GRM7: variants seen among roughly 807,000 people sequenced by gnomAD.
The protein encoded by GRM7 is metabotropic glutamate receptor 7.
In GRM7, 35 loss-of-function variants were observed where a neutral mutation model predicts 84.5. The ratio of observed to expected loss-of-function variants is 0.41; its 90% CI spans 0.32 to 0.55. The LOEUF is 0.55. GRM7 is among the 20% of genes least tolerant of loss of function. The pLI, the probability that GRM7 is intolerant of heterozygous loss-of-function variation, is 0.19. For missense variants in GRM7, 1,003 were observed against 1,194.6 expected (o/e 0.84, Z 2.36); for synonymous variants, 487 against 455.1 (o/e 1.07, Z -0.89).
chr3:6,942,748 C>T (rs1385612126), intron 1 of GRM7, among the ~76,000 whole-genome samples: 1 of 151,990 alleles, frequency 6.6e-6, no homozygotes, highest in Non-Finnish European at 1.5e-5. Flanking sequence ...TCAGTAAATA[C>T]CTGGATGGAT....
At chr3:7,446,805 A>C (rs185461494) in intron 5 of GRM7, among the ~76,000 whole-genome samples, 49 of 151,642 alleles carry the variant, frequency 3.2e-4, no homozygotes, top group African/African-American at 1.0e-3. Flanking sequence ...TATATCTTTC[A>C]TTTTCCATAT....
At position 7,564,962 on chromosome 3, in the gene GRM7, C is replaced by T. The variant is rs151020601; in HGVS notation, c.1516-13460C>T. The stretch of plus-strand genomic sequence containing the variant: ...GTCCTTGGCTGCAGATTGCACATGA[C>T]TTGTTTTTCTCCCGTCTCATAATGT... On this transcript the variant is annotated intron_variant, in intron 7 of 9. Coordinates refer to ENST00000357716, the MANE Select transcript of GRM7 (RefSeq NM_000844.4). 1.7e-3 allele frequency among the ~76,000 whole-genome samples: 263 copies of T among 152,296 alleles called. 1 individual carries two copies. The highest frequency in any genetic ancestry group is 3.0e-3 in the Non-Finnish European group (207 of 68,018).
chr3:6,946,734 A>C (rs763064795), intron 1 of GRM7, among the ~76,000 whole-genome samples: 3 of 152,006 alleles, frequency 2.0e-5, no homozygotes, highest in Non-Finnish European at 4.4e-5. Flanking sequence ...CTTTTATTTC[A>C]TTGAGCAGTG....
chr3:7,466,118 A>G (rs938060256), intron 7 of GRM7, among the ~76,000 whole-genome samples: 9 of 152,256 alleles, frequency 5.9e-5, no homozygotes, highest in African/African-American at 2.2e-4. Flanking sequence ...TTTATGAAAT[A>G]CTCTTCCTGG....
chr3:7,313,497 C>A (rs567504917), intron 4 of GRM7, among the ~76,000 whole-genome samples: 62 of 152,244 alleles, frequency 4.1e-4, no homozygotes, highest in African/African-American at 1.5e-3. Context: ...CTAAGGTATT[C>A]TTAATAAAAT....
chr3:7,209,128 G>T (rs953856204), intron 2 of GRM7, among the ~76,000 whole-genome samples: 2 of 152,156 alleles, frequency 1.3e-5, no homozygotes, highest in Non-Finnish European at 2.9e-5. Context: ...AAAGCCTATT[G>T]TAAAATAAAG....
At chr3:7,371,218 C>T (rs1414177448) in intron 4 of GRM7, among the ~76,000 whole-genome samples, 1 of 152,110 alleles carries the variant, frequency 6.6e-6, no homozygotes, top group East Asian at 1.9e-4. Context: ...AGTGTTGTAG[C>T]CGTGGCAGAT....
At chr3:7,315,824 G>T (rs1403630686) in intron 4 of GRM7, among the ~76,000 whole-genome samples, 2 of 152,116 alleles carry the variant, frequency 1.3e-5, no homozygotes, top group Non-Finnish European at 2.9e-5. Flanking sequence ...GACAAAATTG[G>T]TTTTGACAGT....
intron 8 of GRM7, among the ~76,000 whole-genome samples, chr3:7,639,764 G>A (rs1021854017): frequency 6.6e-6 from 1 of 152,010 alleles, no homozygotes; most frequent in African/African-American, 2.4e-5. Context: ...ATGTGTTTGG[G>A]ATACATTTTG....
chr3:7,342,659 A>G (rs753792778), intron 4 of GRM7, among the ~76,000 whole-genome samples: 2 of 140,134 alleles, frequency 1.4e-5, no homozygotes, highest in Non-Finnish European at 3.0e-5. Flanking sequence ...TCCATCCCAG[A>G]CAGAGAATCT....
chr3:7,404,072 G>T (rs73810610), intron 4 of GRM7, among the ~76,000 whole-genome samples: 1,545 of 152,220 alleles, frequency 0.01, 15 homozygotes, highest in African/African-American at 0.024. Flanking sequence ...GTCTGGTTTG[G>T]AGTCCAAGCA....
rs139880755 is a variant in GRM7, at chr3:7,564,582, G to A, written c.1516-13840G>A. 6.0e-3 allele frequency among the ~76,000 whole-genome samples: 910 copies of A among 152,306 alleles called. 11 individuals carry two copies. The highest frequency in any genetic ancestry group is 9.4e-3 in the Non-Finnish European group (639 of 68,032). ...GCTGGAAAAGTTGAAGCTCGAGGGAGAGGAGGACTGGGAATATTCATCTTA... is the reference window on the plus strand; with the variant it reads ...GCTGGAAAAGTTGAAGCTCGAGGGAAAGGAGGACTGGGAATATTCATCTTA... On this transcript the variant is annotated intron_variant, in intron 7 of 9. Coordinates refer to ENST00000357716, the MANE Select transcript of GRM7 (RefSeq NM_000844.4).
At chr3:6,970,237 T>C (rs961612374) in intron 1 of GRM7, among the ~76,000 whole-genome samples, 1 of 134,870 alleles carries the variant, frequency 7.4e-6, no homozygotes, top group Middle Eastern at 3.7e-3. Context: ...ATCTACAGGT[T>C]GCAGCTAATG....
Position 7,352,046 on chromosome 3 carries a change from ACACACACACAC to A in GRM7, c.1033+45406_1033+45416del, listed in dbSNP as rs1446837532. 2.7e-4 allele frequency among the ~76,000 whole-genome samples: 33 copies of A among 124,068 alleles called. No individual in the cohort carries two copies. In the South Asian group the frequency reaches 8.8e-3, roughly 33 times the overall value. 81.4% of individuals were successfully genotyped at this position (124,068 alleles called of 152,430 possible). On this transcript the variant is annotated intron_variant, in intron 4 of 9. Coordinates refer to ENST00000357716, the MANE Select transcript of GRM7 (RefSeq NM_000844.4). ...CGTTCATTCTCTCTCTCTCTCACACACACACACACACCACACACACACACACACACACACAC... is the reference window on the plus strand; with the variant it reads ...CGTTCATTCTCTCTCTCTCTCACACACACACACACACACACACACACACAC...
intron 7 of GRM7, chr3:7,535,170 A>T (rs1327568196): frequency 6.6e-6 from 1 of 152,158 alleles, no homozygotes; most frequent in African/African-American, 2.4e-5. Context: ...CTTTTGTTAG[A>T]ATCTTGTACA....
chr3:7,440,696 C>G (rs1455515062), intron 5 of GRM7, among the ~76,000 whole-genome samples: 1 of 152,114 alleles, frequency 6.6e-6, no homozygotes, highest in Non-Finnish European at 1.5e-5. Context: ...TTCTTTGTGT[C>G]TATGTGTGCT....
At chr3:7,322,017 C>T (rs1700802375) in intron 4 of GRM7, among the ~76,000 whole-genome samples, 1 of 151,828 alleles carries the variant, frequency 6.6e-6, no homozygotes, top group Non-Finnish European at 1.5e-5. Context: ...TGAACATCGT[C>T]AATGGTAAAA....
intron 4 of GRM7, among the ~76,000 whole-genome samples, chr3:7,367,046 G>C (rs7617589): frequency 1 from 151,902 of 151,902 alleles, 75,951 homozygotes; most frequent in Non-Finnish European, 1. Context: ...TTCTCAATGG[G>C]TTACTGGTCT....
intron 1 of GRM7, among the ~76,000 whole-genome samples, chr3:7,050,679 C>T (rs1464458317): frequency 6.6e-6 from 1 of 151,886 alleles, no homozygotes; most frequent in Non-Finnish European, 1.5e-5. Context: ...TGGGGAGCCA[C>T]AAAAGTTTAT....
Sources: gnomAD v4.1 joint callset for allele counts (sites outside exome capture counted in the v4.1 genomes callset) on GRCh38, gnomAD v4.1.1 for gene constraint, MANE v1.5 for transcripts, NCBI Gene and HGNC (gene_info 2026-07-23, HGNC 2026-07-21) for gene names.